NPAS3: variants seen among roughly 807,000 people sequenced by gnomAD.
NPAS3 encodes neuronal PAS domain protein 3, also known as neuronal PAS domain-containing protein 3.
A neutral mutation model predicts 73.1 loss-of-function variants in NPAS3; 14 were observed. The observed-to-expected ratio is 0.19, with a 90% CI of 0.13 to 0.30. The LOEUF (loss-of-function observed/expected upper bound fraction) is 0.30. Ranked by LOEUF, NPAS3 falls within the 10% of genes least tolerant of loss-of-function variation. The pLI, the probability that NPAS3 is intolerant of heterozygous loss-of-function variation, is 1.00. For synonymous variants in NPAS3, 620 were observed against 541.5 expected (o/e 1.14, Z -2.01); for missense variants, 1,096 against 1,250.0 (o/e 0.88, Z 1.86).
chr14:33,788,326 G>T (rs894900505), intron 9 of NPAS3, among the ~76,000 whole-genome samples: 6 of 152,136 alleles, frequency 3.9e-5, no homozygotes, highest in Admixed American at 3.9e-4. Context: ...TCCTCCTATC[G>T]CCATGACGAT....
intron 4 of NPAS3, among the ~76,000 whole-genome samples, chr14:33,518,399 T>A (rs1211149447): frequency 6.6e-6 from 1 of 152,080 alleles, no homozygotes; most frequent in Non-Finnish European, 1.5e-5. Context: ...ATGGAGCTGC[T>A]TGTGTAAGTG....
At chr14:33,324,298 A>G (rs1027090591) in intron 3 of NPAS3, among the ~76,000 whole-genome samples, 2 of 152,206 alleles carry the variant, frequency 1.3e-5, no homozygotes, top group East Asian at 1.9e-4. Flanking sequence ...GAAAAGCTTC[A>G]CATGATATTA....
At chr14:33,660,205 CCTG>C (rs1413196967) in intron 5 of NPAS3, among the ~76,000 whole-genome samples, 1 of 152,102 alleles carries the variant, frequency 6.6e-6, no homozygotes, top group Non-Finnish European at 1.5e-5. Context: ...GCTAAGAAAA[CCTG>C]CTGTGTTCTC....
At chr14:33,060,780 T>C (rs1416323352) in intron 2 of NPAS3, among the ~76,000 whole-genome samples, 1 of 152,194 alleles carries the variant, frequency 6.6e-6, no homozygotes, top group Non-Finnish European at 1.5e-5. Context: ...ATTTGCCTTT[T>C]CATAAGCAAC....
chr14:33,564,498 T>C (rs2055824901), intron 5 of NPAS3, among the ~76,000 whole-genome samples: 1 of 152,190 alleles, frequency 6.6e-6, no homozygotes, highest in Non-Finnish European at 1.5e-5. Flanking sequence ...CCGCCAGCCA[T>C]AGCTGTGCGG....
intron 5 of NPAS3, among the ~76,000 whole-genome samples, chr14:33,640,576 T>C (rs147476537): frequency 1.3e-5 from 2 of 152,218 alleles, no homozygotes; most frequent in Admixed American, 1.3e-4. Flanking sequence ...AACCATGATA[T>C]CTATATATAA....
intron 4 of NPAS3, among the ~76,000 whole-genome samples, chr14:33,547,863 C>T (rs2054919944): frequency 6.6e-6 from 1 of 152,096 alleles, no homozygotes; most frequent in Non-Finnish European, 1.5e-5. Flanking sequence ...GGGATTCATT[C>T]TTCTTAAATT....
intron 3 of NPAS3, among the ~76,000 whole-genome samples, chr14:33,283,681 C>T (rs1051318918): frequency 3.3e-5 from 5 of 152,090 alleles, no homozygotes; most frequent in South Asian, 4.2e-4. Flanking sequence ...GAGAATTTCT[C>T]GAGTTGAATT....
rs114836494 is a variant in NPAS3 at position 33,448,795 on chromosome 14, G to A, written c.468+81527G>A. Among the ~76,000 whole-genome samples, 115 of 152,222 alleles carry A rather than the reference G, an allele frequency of 7.6e-4. 1 individual carries two copies. Among genetic ancestry groups the A allele is most frequent in the African/African-American group, 2.5e-3 (104 of 41,540 alleles). Reference sequence around the variant, plus strand: ...ACTGCTGTCCCTCTTCCAAATGTCCGTACAGATGTGAATGAAAAATAGCAG... The same window carrying A: ...ACTGCTGTCCCTCTTCCAAATGTCCATACAGATGTGAATGAAAAATAGCAG... On this transcript the variant is annotated intron_variant, in intron 4 of 11. Coordinates refer to ENST00000356141, the Ensembl canonical transcript of NPAS3.
intron 4 of NPAS3, among the ~76,000 whole-genome samples, chr14:33,526,786 T>A (rs1175534748): frequency 3.3e-5 from 5 of 152,096 alleles, no homozygotes; most frequent in African/African-American, 1.2e-4. Context: ...TTGTTCAGGA[T>A]GAAGACAGCA....
At chr14:33,657,641 C>G (rs1322867544) in intron 5 of NPAS3, among the ~76,000 whole-genome samples, 2 of 152,176 alleles carry the variant, frequency 1.3e-5, no homozygotes, top group African/African-American at 4.8e-5. Flanking sequence ...GAGTCAGGCT[C>G]TCTTTCCACT....
intron 3 of NPAS3, among the ~76,000 whole-genome samples, chr14:33,360,200 G>A (rs879461080): frequency 1.3e-5 from 2 of 152,182 alleles, no homozygotes; most frequent in Admixed American, 1.3e-4. Flanking sequence ...CCTGATGCCA[G>A]AAGAAATTAG....
chr14:33,310,872 C>T (rs1030041509), intron 3 of NPAS3, among the ~76,000 whole-genome samples: 4 of 151,692 alleles, frequency 2.6e-5, no homozygotes, highest in Non-Finnish European at 5.9e-5. Flanking sequence ...ATTAAGACTA[C>T]AGTCTGTTAC....
intron 4 of NPAS3, among the ~76,000 whole-genome samples, chr14:33,477,321 A>G (rs1415400081): frequency 6.6e-6 from 1 of 152,136 alleles, no homozygotes; most frequent in African/African-American, 2.4e-5. Context: ...CAGATTCACT[A>G]TGGAAAGAGA....
chr14:33,121,682 G>T (rs1021495972), intron 2 of NPAS3, among the ~76,000 whole-genome samples: 3 of 152,118 alleles, frequency 2.0e-5, no homozygotes, highest in Non-Finnish European at 4.4e-5. Flanking sequence ...TCTTCTGAGA[G>T]AATCATGTCA....
chr14:33,664,026 G>A (rs1038476723), intron 5 of NPAS3, among the ~76,000 whole-genome samples: 9 of 150,152 alleles, frequency 6.0e-5, no homozygotes, highest in African/African-American at 1.2e-4. Flanking sequence ...AGGGGTTTTC[G>A]TGTCTCTATC....
At chr14:33,793,448 C>T (rs1314551049) in intron 9 of NPAS3, among the ~76,000 whole-genome samples, 1 of 152,154 alleles carries the variant, frequency 6.6e-6, no homozygotes, top group Non-Finnish European at 1.5e-5. Context: ...GGAGGAGAAA[C>T]GATCAAAGAC....
intron 4 of NPAS3, among the ~76,000 whole-genome samples, chr14:33,415,503 A>G (rs2048109996): frequency 6.6e-6 from 1 of 152,144 alleles, no homozygotes; most frequent in Admixed American, 6.6e-5. Flanking sequence ...TATATTAAAC[A>G]CTTGCTTCAA....
chr14:32,949,444 C>T (rs539070549), intron 1 of NPAS3, among the ~76,000 whole-genome samples: 11 of 151,982 alleles, frequency 7.2e-5, no homozygotes, highest in South Asian at 2.1e-4. Context: ...TAATTGTTAC[C>T]GCTTCTCAAG....
Sources: gnomAD v4.1 joint callset for allele counts (sites outside exome capture counted in the v4.1 genomes callset) on GRCh38, gnomAD v4.1.1 for gene constraint, MANE v1.5 for transcripts, NCBI Gene and HGNC (gene_info 2026-07-23, HGNC 2026-07-21) for gene names.